The following RPS6KC1 variants were observed in gnomAD, a reference collection of about 807,000 sequenced individuals.
RPS6KC1 encodes the protein ribosomal protein S6 kinase C1.
RPS6KC1 carries 54 observed loss-of-function variants against 103.8 expected under a neutral mutation model. That is an observed-to-expected ratio of 0.52 (90% CI 0.42 to 0.65). The LOEUF (loss-of-function observed/expected upper bound fraction) is 0.65, where lower values mean the gene tolerates loss of function less well. Among genes scored for constraint, RPS6KC1 ranks in the 30% least tolerant of loss-of-function variants. RPS6KC1 has a pLI of 0.00. For missense variants in RPS6KC1, 1,151 were observed against 1,253.8 expected (o/e 0.92, Z 1.24); for synonymous variants, 439 against 438.7 (o/e 1.00, Z -0.01).
chr1:213,180,410 A>G (rs2148349864), intron 8 of RPS6KC1, among the ~76,000 whole-genome samples: 1 of 152,330 alleles, frequency 6.6e-6, no homozygotes, highest in South Asian at 2.1e-4. Flanking sequence ...TTCAAGAGAA[A>G]CAAATTATTG....
intron 7 of RPS6KC1, among the ~76,000 whole-genome samples, chr1:213,168,599 A>G (rs1002443546): frequency 2.0e-5 from 3 of 152,014 alleles, no homozygotes; most frequent in African/African-American, 7.2e-5. Context: ...TCTTCCGGAA[A>G]TGGGAGAAAG....
the RPS6KC1 span, among the ~76,000 whole-genome samples, chr1:213,854,564 C>CTCTTTCTT: frequency 2.8e-5 from 3 of 105,674 alleles, no homozygotes; most frequent in South Asian, 1.0e-3. Flanking sequence ...TTCTTTCTTT[C>CTCTTTCTT]TCTCTCTCTC....
chr1:213,653,480 A>G, the RPS6KC1 span, among the ~76,000 whole-genome samples: 58 of 152,154 alleles, frequency 3.8e-4, 1 homozygote, highest in African/African-American at 1.4e-3. Context: ...AATTACTAGC[A>G]TTCTTAATTT....
intron 10 of RPS6KC1, among the ~76,000 whole-genome samples, chr1:213,233,414 C>A (rs2094149015): frequency 6.6e-6 from 1 of 152,262 alleles, no homozygotes; most frequent in East Asian, 1.9e-4. Context: ...CGAAATACAG[C>A]CACCTCTGGT....
At chr1:213,512,555 G>C in the RPS6KC1 span, among the ~76,000 whole-genome samples, 1 of 152,172 alleles carries the variant, frequency 6.6e-6, no homozygotes, top group African/African-American at 2.4e-5. Context: ...CAGTTAAGTG[G>C]TACAAACTGC....
At chr1:213,545,163 C>T in the RPS6KC1 span, among the ~76,000 whole-genome samples, 4 of 151,916 alleles carry the variant, frequency 2.6e-5, no homozygotes, top group Middle Eastern at 3.4e-3. Context: ...GTCAGGAGTT[C>T]GACACAAGCC....
the RPS6KC1 span, among the ~76,000 whole-genome samples, chr1:213,807,346 T>G: frequency 6.6e-6 from 1 of 152,182 alleles, no homozygotes; most frequent in Non-Finnish European, 1.5e-5. Flanking sequence ...GATTGGGGAA[T>G]TTCTCCTGGA....
the RPS6KC1 span, among the ~76,000 whole-genome samples, chr1:213,573,920 G>A: frequency 1.3e-5 from 2 of 152,218 alleles, no homozygotes; most frequent in African/African-American, 4.8e-5. Context: ...GGTCCAAGGA[G>A]TGGTGATGAT....
At chr1:213,236,188 A>C (rs934944209) in intron 10 of RPS6KC1, among the ~76,000 whole-genome samples, 4 of 152,028 alleles carry the variant, frequency 2.6e-5, no homozygotes, top group Admixed American at 2.0e-4. Flanking sequence ...TTCTACCCCC[A>C]CCCACACCCC....
chr1:213,693,632 A>G, the RPS6KC1 span, among the ~76,000 whole-genome samples: 1 of 152,328 alleles, frequency 6.6e-6, no homozygotes, highest in Non-Finnish European at 1.5e-5. Flanking sequence ...GAAGGGACCC[A>G]TTAGTGTCTG....
At chr1:213,151,468 G>A (rs1345185841) in intron 6 of RPS6KC1, among the ~76,000 whole-genome samples, 4 of 137,694 alleles carry the variant, frequency 2.9e-5, no homozygotes, top group Admixed American at 6.9e-5. Flanking sequence ...TGGCCGGGCG[G>A]GGGGCTGACC....
the RPS6KC1 span, among the ~76,000 whole-genome samples, chr1:213,710,909 G>A: frequency 3.1e-4 from 47 of 152,216 alleles, 2 homozygotes; most frequent in South Asian, 7.0e-3. Context: ...GGGTTTCCCT[G>A]TATGGATAAC....
At chr1:213,651,020 TGAAGCCCA>T in the RPS6KC1 span, among the ~76,000 whole-genome samples, 1 of 151,448 alleles carries the variant, frequency 6.6e-6, no homozygotes, top group Non-Finnish European at 1.5e-5. Flanking sequence ...AGAGGCTGGC[TGAAGCCCA>T]GAAGCTGAAT....
At chr1:213,104,995 C>T (rs2082343516) in intron 4 of RPS6KC1, among the ~76,000 whole-genome samples, 1 of 152,010 alleles carries the variant, frequency 6.6e-6, no homozygotes, top group Admixed American at 6.6e-5. Context: ...AACTCTAGTA[C>T]TTACCTTCAC....
the RPS6KC1 span, among the ~76,000 whole-genome samples, chr1:213,587,561 G>T: frequency 6.6e-6 from 1 of 152,186 alleles, no homozygotes. Context: ...GATATTGTAG[G>T]CATTGGAGTG....
At chr1:213,330,494 C>G in the RPS6KC1 span, among the ~76,000 whole-genome samples, 1 of 152,188 alleles carries the variant, frequency 6.6e-6, no homozygotes, top group Non-Finnish European at 1.5e-5. Context: ...CCCCTCTGCA[C>G]AGCACCTATT....
At chr1:213,763,662 C>T in the RPS6KC1 span, among the ~76,000 whole-genome samples, 1 of 152,188 alleles carries the variant, frequency 6.6e-6, no homozygotes, top group Non-Finnish European at 1.5e-5. Context: ...CAAAAAACTT[C>T]TGGTTGCTAG....
the RPS6KC1 span, among the ~76,000 whole-genome samples, chr1:213,500,501 TAAAC>T: frequency 1.3e-5 from 2 of 152,168 alleles, no homozygotes; most frequent in Non-Finnish European, 2.9e-5. Context: ...GGACAGTAAA[TAAAC>T]AAGTAACATA....
chr1:213,143,087 G>A (rs1371381175), intron 6 of RPS6KC1, among the ~76,000 whole-genome samples: 1 of 151,898 alleles, frequency 6.6e-6, no homozygotes, highest in African/African-American at 2.4e-5. Context: ...TAGAATATAG[G>A]GTCATTCTTC....
Sources: allele counts gnomAD v4.1 joint callset (sites outside exome capture counted in the v4.1 genomes callset), GRCh38; gene constraint gnomAD v4.1.1; transcripts MANE v1.5; gene names NCBI Gene and HGNC (gene_info 2026-07-23, HGNC 2026-07-21).